The following CSMD2 variants were observed in gnomAD, a reference collection of about 807,000 sequenced individuals.
CSMD2 encodes CUB and sushi domain-containing protein 2.
Under a neutral mutation model 398.5 loss-of-function variants are expected in CSMD2, and 130 were observed. The observed-to-expected ratio is 0.33, with a 90% CI of 0.28 to 0.38. CSMD2 has a LOEUF of 0.38. CSMD2 is among the 10% of genes least tolerant of loss of function. The pLI is 1.00. For synonymous variants in CSMD2, 1,828 were observed against 1,908.5 expected (o/e 0.96, Z 1.10); for missense variants, 3,829 against 4,764.9 (o/e 0.80, Z 5.78).
At chr1:33,643,356 C>T (rs892219211) in intron 29 of CSMD2, among the ~76,000 whole-genome samples, 6 of 152,226 alleles carry the variant, frequency 3.9e-5, no homozygotes, top group Non-Finnish European at 8.8e-5. Flanking sequence ...TCACACTTTA[C>T]ATCTTCAGTA....
intron 3 of CSMD2, among the ~76,000 whole-genome samples, chr1:33,993,681 A>G (rs1250543055): frequency 1.3e-5 from 2 of 152,180 alleles, no homozygotes; most frequent in Non-Finnish European, 2.9e-5. Context: ...TATGTCTCTC[A>G]TAATTCATAA....
intron 1 of CSMD2, among the ~76,000 whole-genome samples, chr1:34,097,243 C>T (rs1300886573): frequency 6.0e-5 from 9 of 151,128 alleles, no homozygotes; most frequent in Non-Finnish European, 1.3e-4. Flanking sequence ...CTTCTTTACA[C>T]CTTATACAAA....
chr1:33,735,868 C>G (rs1299327229), intron 15 of CSMD2, among the ~76,000 whole-genome samples: 1 of 152,176 alleles, frequency 6.6e-6, no homozygotes, highest in African/African-American at 2.4e-5. Flanking sequence ...ATGCTGATTG[C>G]AAAGCAGAGC....
At chr1:33,725,615 C>T (rs988283632) in intron 16 of CSMD2, 79 bp from the exon 17 acceptor site, 5 of 1,346,488 alleles carry the variant, frequency 3.7e-6, no homozygotes, top group Non-Finnish European at 5.2e-6. Context: ...CCTGCCTGAC[C>T]CAGGGCTTCC....
rs147515417 is a variant in CSMD2, at chr1:34,025,202, C to G, written c.517+7392G>C. Among the ~76,000 whole-genome samples, 235 of 152,314 alleles carry G rather than the reference C, an allele frequency of 1.5e-3. 2 individuals are homozygous for G. The highest frequency in any genetic ancestry group is 5.3e-3 in the African/African-American group (221 of 41,564). On this transcript the variant is annotated intron_variant, in intron 3 of 70. Coordinates refer to ENST00000373381, the MANE Select transcript of CSMD2 (RefSeq NM_001281956.2). ...CTACCCTGTTGCAACACGCTGTGGT[C>G]CTTATACAGAGATGATATTACCGAT...
intron 5 of CSMD2, among the ~76,000 whole-genome samples, chr1:33,893,146 G>C (rs556753252): frequency 6.6e-6 from 1 of 152,270 alleles, no homozygotes; most frequent in East Asian, 1.9e-4. Flanking sequence ...AGCTCTGCCT[G>C]GTACAATCTG....
chr1:34,094,797 CA>C (rs776543316), intron 1 of CSMD2, among the ~76,000 whole-genome samples: 4 of 152,042 alleles, frequency 2.6e-5, no homozygotes, highest in East Asian at 1.9e-4. Context: ...TAGACTCCCA[CA>C]CATTAATAAT....
chr1:33,611,303 A>G, intron 40 of CSMD2, 53 bp from the exon 41 acceptor site: 3 of 1,487,094 alleles, frequency 2.0e-6, no homozygotes, highest in Non-Finnish European at 2.8e-6. Flanking sequence ...TCCTGCCTCA[A>G]GTGTGCTGCC....
intron 2 of CSMD2, among the ~76,000 whole-genome samples, chr1:34,040,101 G>A (rs892940202): frequency 1.2e-4 from 18 of 152,092 alleles, no homozygotes; most frequent in Non-Finnish European, 2.2e-4. Flanking sequence ...TGAAGTGGGA[G>A]GATCACTTGA....
At chr1:33,604,908 G>A (rs1231783994) in intron 42 of CSMD2, among the ~76,000 whole-genome samples, 1 of 152,276 alleles carries the variant, frequency 6.6e-6, no homozygotes, top group South Asian at 2.1e-4. Context: ...CTTTGGGCAG[G>A]TGCCTGGATT....
chr1:33,669,910 G>A (rs1644436419), intron 25 of CSMD2, among the ~76,000 whole-genome samples: 1 of 152,170 alleles, frequency 6.6e-6, no homozygotes, highest in Non-Finnish European at 1.5e-5. Context: ...AAGGGTTCCT[G>A]GCAACCACCA....
chr1:33,669,498 T>TC (rs1305109837), intron 25 of CSMD2, among the ~76,000 whole-genome samples: 3 of 152,190 alleles, frequency 2.0e-5, no homozygotes, highest in Non-Finnish European at 2.9e-5. Flanking sequence ...ACACACCAAG[T>TC]CCCCCCTGGG....
At chr1:33,549,241 G>A (rs985976503) in intron 56 of CSMD2, among the ~76,000 whole-genome samples, 8 of 152,164 alleles carry the variant, frequency 5.3e-5, no homozygotes, top group Non-Finnish European at 1.0e-4. Context: ...ATTAGGAGGA[G>A]GTCATGATCC....
rs1012800180 is a variant in CSMD2 at position 33,622,275 on chromosome 1, G to C, written c.5723-4C>G. The C allele has an allele frequency of 6.2e-7, 1 of 1,609,990 alleles. No individual in the cohort carries two copies. Among genetic ancestry groups the C allele is most frequent in the Middle Eastern group, 1.7e-4 (1 of 6,000 alleles). On this transcript the variant is annotated splice_polypyrimidine_tract_variant and splice_region_variant and intron_variant, in intron 36 of 70. Coordinates refer to ENST00000373381, the MANE Select transcript of CSMD2 (RefSeq NM_001281956.2). ...AGAAGGGCAGGCACGGTTGTTCCTA[G>C]GGCAAGGACACCAGGGAAAACCATT...
At chr1:33,743,138 C>T in intron 14 of CSMD2, 142 bp downstream of exon 14, 1 of 667,278 alleles carries the variant, frequency 1.5e-6, no homozygotes, top group East Asian at 2.8e-5. Context: ...GCTGGGAGCT[C>T]CATGACTGGG....
chr1:34,042,043 G>C (rs922017645), intron 2 of CSMD2, among the ~76,000 whole-genome samples: 1 of 152,230 alleles, frequency 6.6e-6, no homozygotes, highest in African/African-American at 2.4e-5. Context: ...GCTTTTGCCA[G>C]TCAGAGAACC....
At chr1:33,836,481 C>T (rs1487917030) in intron 6 of CSMD2, among the ~76,000 whole-genome samples, 1 of 152,216 alleles carries the variant, frequency 6.6e-6, no homozygotes, top group East Asian at 1.9e-4. Flanking sequence ...CAGAGGCAGA[C>T]CAGCATCCTG....
chr1:34,091,713 T>C lies in CSMD2; in HGVS notation c.188-2520A>G, dbSNP rs117380640. ...CAGGCATTTCATAAAATTAGGCATGTAACCCTGATTAAAATAAGCATTCAA... is the reference window on the plus strand; with the variant it reads ...CAGGCATTTCATAAAATTAGGCATGCAACCCTGATTAAAATAAGCATTCAA... On this transcript the variant is annotated intron_variant, in intron 1 of 70. Coordinates refer to ENST00000373381, the MANE Select transcript of CSMD2 (RefSeq NM_001281956.2). 5.9e-3 allele frequency among the ~76,000 whole-genome samples: 906 copies of C among 152,328 alleles called. 9 individuals carry two copies. Among genetic ancestry groups the C allele is most frequent in the East Asian group, 0.052 (271 of 5,180 alleles).
intron 3 of CSMD2, among the ~76,000 whole-genome samples, chr1:34,007,810 A>C (rs552000514): frequency 6.6e-6 from 1 of 152,192 alleles, no homozygotes; most frequent in South Asian, 2.1e-4. Flanking sequence ...AATAAATTAC[A>C]TATTAATTGT....
Sources: allele counts gnomAD v4.1 joint callset (sites outside exome capture counted in the v4.1 genomes callset), GRCh38; gene constraint gnomAD v4.1.1; transcripts MANE v1.5; gene names NCBI Gene and HGNC (gene_info 2026-07-23, HGNC 2026-07-21).